Variants in RABGAP1L observed in about 807,000 individuals in gnomAD.
The protein encoded by RABGAP1L is RAB GTPase activating protein 1 like.
A neutral mutation model predicts 137.7 loss-of-function variants in RABGAP1L; 63 were observed. That is an observed-to-expected ratio of 0.46 (90% confidence interval 0.37 to 0.56). RABGAP1L has a LOEUF of 0.56. Among genes scored for constraint, RABGAP1L ranks in the 20% least tolerant of loss-of-function variants. The probability of loss-of-function intolerance (pLI) is 0.00; values close to 1 mark genes in which losing one functional copy is unlikely to be tolerated. For missense variants in RABGAP1L, 1,095 were observed against 1,244.0 expected, an observed-to-expected ratio of 0.88 and a Z score of 1.80; for synonymous variants, 431 against 433.7, an observed-to-expected ratio of 0.99 and a Z score of 0.08.
At chr1:174,595,520 C>G (rs999729045) in intron 13 of RABGAP1L, among the ~76,000 whole-genome samples, 1 of 99,958 alleles carries the variant, frequency 1.0e-5, no homozygotes, top group African/African-American at 4.3e-5. Flanking sequence ...TGGTGATGTA[C>G]AGATGGGTTT....
intron 18 of RABGAP1L, among the ~76,000 whole-genome samples, chr1:174,775,985 G>A (rs1686497248): frequency 6.6e-6 from 1 of 152,170 alleles, no homozygotes; most frequent in Non-Finnish European, 1.5e-5. Flanking sequence ...TTCAGTAGAG[G>A]AGATTTCTTG....
rs1553324953 is a variant in RABGAP1L, at chr1:174,534,802, A to AAAAT, written c.1711-102571_1711-102570insATAA. Among the ~76,000 whole-genome samples, 56 of 137,286 alleles carry AAAAT rather than the reference A, an allele frequency of 4.1e-4. 1 individual carries two copies. The highest frequency in any genetic ancestry group is 7.3e-4 in the Non-Finnish European group (47 of 64,004). The allele number at this position is 137,286 out of a possible 152,430, so 90.1% of individuals were successfully genotyped here. ...AAAAAAAAAAAAAAAAAAAAAAAAA[A>AAAAT]AATAATTAGAATAGTATGCCAGTAT... On this transcript the variant is annotated intron_variant, in intron 13 of 25. Transcript: ENST00000681986.
rs141010960 is a variant in RABGAP1L at position 174,886,490 on chromosome 1, A to G, written c.2341-70967A>G. Among the ~76,000 whole-genome samples the G allele has an allele frequency of 2.8e-3, 424 of 152,362 alleles. 2 individuals are homozygous for G. Among genetic ancestry groups the G allele is most frequent in the African/African-American group, 9.8e-3 (406 of 41,578 alleles). ...AATAGGATTTCTGGCAGGCTGAAAT[A>G]CAGAAGCCCTCTTATCCGACACAGT... On this transcript the variant is annotated intron_variant, in intron 19 of 25. Transcript: ENST00000681986.
chr1:174,830,966 G>GCTC (rs1692054359), intron 19 of RABGAP1L, among the ~76,000 whole-genome samples: 1 of 147,916 alleles, frequency 6.8e-6, no homozygotes, highest in African/African-American at 2.5e-5. Flanking sequence ...CATCAGAAAG[G>GCTC]TGGGTTTCCA....
intron 13 of RABGAP1L, among the ~76,000 whole-genome samples, chr1:174,496,669 C>T (rs1660757357): frequency 1.3e-5 from 2 of 152,198 alleles, no homozygotes; most frequent in South Asian, 4.1e-4. Context: ...AATTGCCTGA[C>T]CTACAGCAAG....
chr1:174,206,939 T>C (rs528372879), intron 1 of RABGAP1L, among the ~76,000 whole-genome samples: 29 of 152,218 alleles, frequency 1.9e-4, no homozygotes, highest in African/African-American at 7.0e-4. Flanking sequence ...GCTGTAGGTA[T>C]GGGGGAGAAG....
At chr1:174,247,997 AT>A in intron 5 of RABGAP1L, among the ~76,000 whole-genome samples, 1 of 152,206 alleles carries the variant, frequency 6.6e-6, no homozygotes, top group Non-Finnish European at 1.5e-5. Context: ...TAGACTTTAT[AT>A]TTCATTTAGG....
In RABGAP1L at chr1:174,573,759, C is replaced by CAA. The variant is rs77651711; in HGVS notation, c.1711-63606_1711-63605dup. 1.4e-4 allele frequency among the ~76,000 whole-genome samples: 20 copies of CAA among 146,052 alleles called. 2 individuals carry two copies. The highest frequency in any genetic ancestry group is 4.7e-4 in the African/African-American group (19 of 40,754). The stretch of plus-strand genomic sequence containing the variant: ...AATTATCATAATAAACTATTGAATG[C>CAA]AAAAAAAAAAATAAAGTTGCTGAGA... On this transcript the variant is annotated intron_variant, in intron 13 of 25. Transcript: ENST00000681986.
Position 174,402,690 on chromosome 1 carries a change from C to T in RABGAP1L, c.1710+8545C>T, listed in dbSNP as rs577163129. ...AGATGTTTTTATTATTCCTGTTAAGCTGCATTTTTCATAACGTTTGAGGTG... is the reference window on the plus strand; with the variant it reads ...AGATGTTTTTATTATTCCTGTTAAGTTGCATTTTTCATAACGTTTGAGGTG... On this transcript the variant is annotated intron_variant, in intron 13 of 25. Transcript: ENST00000681986. Among the ~76,000 whole-genome samples, 17 of 152,232 alleles carry T rather than the reference C, an allele frequency of 1.1e-4. No individual in the cohort carries two copies. The South Asian group carries it at 1.4e-3, about 13-fold the overall frequency.
chr1:174,186,144 C>CAAA (rs201540764), intron 1 of RABGAP1L, among the ~76,000 whole-genome samples: 2 of 91,836 alleles, frequency 2.2e-5, no homozygotes, highest in Admixed American at 1.2e-4. Flanking sequence ...AATTCCATCT[C>CAAA]AAAAAAAAAA....
intron 10 of RABGAP1L, among the ~76,000 whole-genome samples, chr1:174,292,329 C>CTTTTTTTTTTTTTTT (rs61636433): frequency 4.0e-5 from 2 of 50,618 alleles, no homozygotes; most frequent in Middle Eastern, 0.014. Context: ...CCTACCTAAT[C>CTTTTTTTTTTTTTTT]TTTTTTTTTT....
At chr1:174,609,622 C>A (rs1194886734) in intron 13 of RABGAP1L, among the ~76,000 whole-genome samples, 2 of 152,076 alleles carry the variant, frequency 1.3e-5, no homozygotes, top group Non-Finnish European at 2.9e-5. Context: ...CCTTACCTAA[C>A]CTTCATGTCA....
intron 19 of RABGAP1L, among the ~76,000 whole-genome samples, chr1:174,830,221 T>G (rs1306598000): frequency 1.4e-5 from 2 of 147,084 alleles, no homozygotes; most frequent in East Asian, 4.3e-4. Flanking sequence ...CATGACTGAT[T>G]AGAAGCCATT....
chr1:174,892,684 C>T (rs1443412942), intron 19 of RABGAP1L: 14 of 526,892 alleles, frequency 2.7e-5, no homozygotes, highest in Non-Finnish European at 4.9e-5. Flanking sequence ...CACTTGCAAA[C>T]GTGAATATTG....
At chr1:174,609,125 G>GT (rs1367775717) in intron 13 of RABGAP1L, among the ~76,000 whole-genome samples, 1 of 152,020 alleles carries the variant, frequency 6.6e-6, no homozygotes, top group Non-Finnish European at 1.5e-5. Flanking sequence ...TATGTAATTT[G>GT]TTATCAACCA....
At chr1:174,606,049 A>G (rs79989938) in intron 13 of RABGAP1L, among the ~76,000 whole-genome samples, 12,046 of 152,206 alleles carry the variant, frequency 0.079, 656 homozygotes, top group East Asian at 0.32. Flanking sequence ...TTAGTGCCTC[A>G]GACTAGATCC....
chr1:174,586,233 A>G (rs1210326957), intron 13 of RABGAP1L, among the ~76,000 whole-genome samples: 2 of 152,186 alleles, frequency 1.3e-5, no homozygotes, highest in Non-Finnish European at 2.9e-5. Context: ...AGGGACATGG[A>G]TGAAGCTGGA....
chr1:174,589,871 A>G (rs547095915), intron 13 of RABGAP1L, among the ~76,000 whole-genome samples: 16 of 152,256 alleles, frequency 1.1e-4, no homozygotes, highest in Non-Finnish European at 1.8e-4. Flanking sequence ...GCTCTGTAGT[A>G]TAATTTGAAG....
chr1:174,561,733 A>G (rs1667230200), intron 13 of RABGAP1L, among the ~76,000 whole-genome samples: 1 of 152,224 alleles, frequency 6.6e-6, no homozygotes, highest in South Asian at 2.1e-4. Flanking sequence ...ATCTTTGACA[A>G]ACCTGACAAA....
Sources: gnomAD v4.1 joint callset for allele counts (sites outside exome capture counted in the v4.1 genomes callset) on GRCh38, gnomAD v4.1.1 for gene constraint, MANE v1.5 for transcripts, NCBI Gene and HGNC (gene_info 2026-07-23, HGNC 2026-07-21) for gene names.